The following KLHL31 variants were observed in gnomAD, a reference collection of about 807,000 sequenced individuals.
KLHL31 encodes the protein kelch-like protein 31.
A neutral mutation model predicts 47.1 loss-of-function variants in KLHL31; 32 were observed. The ratio of observed to expected loss-of-function variants is 0.68; its 90% CI spans 0.51 to 0.91. The LOEUF (loss-of-function observed/expected upper bound fraction) is 0.91, where lower values mean the gene tolerates loss of function less well. Among genes scored for constraint, KLHL31 ranks in the 40% least tolerant of loss-of-function variants. The pLI is 0.00. For synonymous variants in KLHL31, 330 were observed against 325.1 expected, an observed-to-expected ratio of 1.01 and a Z score of -0.16; for missense variants, 797 against 819.3, an observed-to-expected ratio of 0.97 and a Z score of 0.33.
At position 53,653,543 on chromosome 6, in the gene KLHL31, A is replaced by G. The variant is rs146826882; in HGVS notation, c.1172+558T>C. 1.2e-4 allele frequency among the ~76,000 whole-genome samples: 18 copies of G among 152,300 alleles called. No individual in the cohort carries two copies. The East Asian group carries it at 3.1e-3, about 26-fold the overall frequency. On this transcript the variant is annotated intron_variant, in intron 2 of 2. Transcript: ENST00000370905. ...GTTTTACTCTTTTACTCTTTTCTGT[A>G]TGTATCAAAAATACTGACACATTTT...
rs1260343848 is a variant in KLHL31 at position 53,654,831 on chromosome 6, C to T, written c.442G>A (p.Val148Ile). 6.2e-7 allele frequency: 1 copy of T among 1,614,068 alleles called. No homozygotes were observed. Among genetic ancestry groups the T allele is most frequent in the Admixed American group, 1.7e-5 (1 of 60,022 alleles). Residue 148 changes from valine (V) to isoleucine (I), a missense_variant, in exon 2 of 3, where the codon GTT becomes ATT. Physicochemically the swap from Val to Ile is conservative, Grantham distance 29 (BLOSUM62 3). Coordinates refer to ENST00000370905, the MANE Select transcript of KLHL31 (RefSeq NM_001003760.5). ...ACAAGAGTATGGATCTGAAGATAAA[C>T]AGCAGCAGAAATAATGCTTCCTATT... Reference protein sequence around the residue: ...YTIGSIISAAVYLQIHTLVKM... With the variant: ...YTIGSIISAAIYLQIHTLVKM...
chr6:53,660,580 G>A (rs543193366), intron 1 of KLHL31, among the ~76,000 whole-genome samples: 9 of 152,252 alleles, frequency 5.9e-5, no homozygotes, highest in Admixed American at 1.3e-4. Flanking sequence ...TTGGGAGGCC[G>A]AGGCGGGTGG....
chr6:53,663,243 G>T (rs1188177036), intron 1 of KLHL31, among the ~76,000 whole-genome samples: 1 of 152,328 alleles, frequency 6.6e-6, no homozygotes, highest in Non-Finnish European at 1.5e-5. Context: ...AACATGGGAA[G>T]ATAGAGACAG....
chr6:53,655,909 C>T (rs2127368959), intron 1 of KLHL31, among the ~76,000 whole-genome samples: 1 of 152,164 alleles, frequency 6.6e-6, no homozygotes, highest in Non-Finnish European at 1.5e-5. Flanking sequence ...ACCCAACCAA[C>T]ATTTTCTGAT....
In KLHL31 at chr6:53,654,185, A is replaced by G. The variant is rs1456442490; in HGVS notation, c.1088T>C (p.Met363Thr). The change falls in exon 2 of 3, where the codon ATG becomes ACG. Residue 363 changes from methionine (M) to threonine (T), a missense_variant. Met to Thr is a moderately conservative substitution (Grantham distance 81). Transcript: ENST00000370905. ...ACCGGCTACATAAAGAAATCCATCC[A>G]TCACAGCCACACACTGATTAAAACT... ...AKSFNQCVAV[M>T]DGFLYVAGGE... 6.2e-7 allele frequency: 1 copy of G among 1,614,084 alleles called. No individual in the cohort carries two copies. The highest frequency in any genetic ancestry group is 1.3e-5 in the African/African-American group (1 of 74,926).
At chr6:53,653,513 G>A (rs1451713495) in intron 2 of KLHL31, among the ~76,000 whole-genome samples, 1 of 151,914 alleles carries the variant, frequency 6.6e-6, no homozygotes, top group Non-Finnish European at 1.5e-5. Flanking sequence ...TTTTCTGAAG[G>A]ATGTGTTTTA....
At position 53,654,705 on chromosome 6, in the gene KLHL31, C is replaced by A. The variant is rs747022454; in HGVS notation, c.568G>T (p.Ala190Ser). Residue 190 changes from alanine (A) to serine (S), a missense_variant, in exon 2 of 3, where the codon GCA becomes TCA. Transcript: ENST00000370905. ...TTATCCCGAATAAATTTCTGGGCTGCTGCTTTTGCATTTTTTAGGGAGTAT... is the reference window on the plus strand; with the variant it reads ...TTATCCCGAATAAATTTCTGGGCTGATGCTTTTGCATTTTTTAGGGAGTAT... The part of the protein sequence containing the change: ...ETYSLKNAKA[A>S]AQKFIRDNFL... The A allele has an allele frequency of 5.6e-6, 9 of 1,614,064 alleles. No homozygotes were observed. Among genetic ancestry groups the A allele is most frequent in the Non-Finnish European group, 8.5e-7 (1 of 1,180,036 alleles).
rs1764533812 is a variant in KLHL31 at position 53,654,876 on chromosome 6, G to T, written c.397C>A (p.Leu133Ile). Residue 133 changes from leucine to isoleucine, a missense_variant, in exon 2 of 3, where the codon CTC becomes ATC. Leu to Ile is a conservative substitution (Grantham distance 5). Coordinates refer to ENST00000370905, the MANE Select transcript of KLHL31 (RefSeq NM_001003760.5). The part of the protein sequence containing the change: ...TVIAYAYTGK[L>I]TLSLYTIGSI... ...CCTATTGTATACAAGGAGAGAGTGA[G>T]CTTTCCAGTGTAGGCATATGCAATG... 6.8e-6 allele frequency: 11 copies of T among 1,614,128 alleles called. No homozygotes were observed. Among genetic ancestry groups the T allele is most frequent in the Non-Finnish European group, 9.3e-6 (11 of 1,179,996 alleles).
At chr6:53,663,496 C>T (rs983568988) in intron 1 of KLHL31, among the ~76,000 whole-genome samples, 2 of 152,178 alleles carry the variant, frequency 1.3e-5, no homozygotes, top group African/African-American at 4.8e-5. Context: ...ATCTGTTTAT[C>T]AGATAATCAA....
chr6:53,664,380 G>A (rs994695454), intron 1 of KLHL31, among the ~76,000 whole-genome samples: 1 of 152,168 alleles, frequency 6.6e-6, no homozygotes, highest in Non-Finnish European at 1.5e-5. Context: ...GGAATAGTCT[G>A]AAACATACTG....
At position 53,654,356 on chromosome 6, in the gene KLHL31, G is replaced by C. The variant is rs1172586417; in HGVS notation, c.917C>G (p.Ser306Cys). 2 of 1,614,090 alleles carry C rather than the reference G, an allele frequency of 1.2e-6. No individual in the cohort carries two copies. Among genetic ancestry groups the C allele is most frequent in the Admixed American group, 1.7e-5 (1 of 60,004 alleles). Residue 306 changes from serine (S) to cysteine (C), a missense_variant, in exon 2 of 3, where the codon TCT (serine) becomes TGT (cysteine). Physicochemically the swap from Ser to Cys is moderately radical, Grantham distance 112. Coordinates refer to ENST00000370905, the MANE Select transcript of KLHL31 (RefSeq NM_001003760.5). ...LLPYHQNTLQ[S>C]RRTRIRGGCR... is the part of the protein sequence containing the mutation. ...GCCACCTCGGATTCTTGTTCGCCTA[G>C]ATTGCAATGTGTTTTGATGATATGG...
At chr6:53,658,778 A>G (rs12524915) in intron 1 of KLHL31, among the ~76,000 whole-genome samples, 7 of 152,156 alleles carry the variant, frequency 4.6e-5, no homozygotes, top group Non-Finnish European at 4.4e-5. Flanking sequence ...AAAATTAAAC[A>G]GTTTCCTTTT....
At chr6:53,656,857 G>A (rs1289730591) in intron 1 of KLHL31, among the ~76,000 whole-genome samples, 9 of 137,612 alleles carry the variant, frequency 6.5e-5, no homozygotes, top group Admixed American at 2.2e-4. Context: ...TCAGAATATA[G>A]AAAAATAAAA....
intron 1 of KLHL31, among the ~76,000 whole-genome samples, chr6:53,663,136 C>T (rs1764671609): frequency 1.3e-5 from 2 of 152,046 alleles, no homozygotes; most frequent in African/African-American, 4.8e-5. Flanking sequence ...TGTGCTGGGG[C>T]AAAATTCAAA....
chr6:53,657,697 G>A (rs538030899), intron 1 of KLHL31, among the ~76,000 whole-genome samples: 41 of 148,650 alleles, frequency 2.8e-4, no homozygotes, highest in African/African-American at 9.6e-4. Context: ...GTAAAACTCA[G>A]CTTTGGCTCT....
intron 1 of KLHL31, among the ~76,000 whole-genome samples, chr6:53,655,721 C>T (rs894799022): frequency 1.3e-5 from 2 of 151,622 alleles, no homozygotes; most frequent in Admixed American, 6.6e-5. Flanking sequence ...ATTCTTCTGC[C>T]TCAGCCTCCC....
chr6:53,654,802 C>T lies in KLHL31; in HGVS notation c.471G>A (p.Lys157=). ...AVYLQIHTLV[K]MCSDFLIREM... Reference sequence around the variant, plus strand: ...CCCGTATCAGAAAATCACTGCACATCTTTACAAGAGTATGGATCTGAAGAT... The same window carrying T: ...CCCGTATCAGAAAATCACTGCACATTTTTACAAGAGTATGGATCTGAAGAT... Residue 157 remains lysine, a synonymous_variant, in exon 2 of 3, where the codon AAG becomes AAA. Coordinates refer to ENST00000370905, the MANE Select transcript of KLHL31 (RefSeq NM_001003760.5). The T allele has an allele frequency of 6.2e-7, 1 of 1,614,034 alleles. No individual in the cohort carries two copies.
Position 53,652,266 on chromosome 6 carries a change from T to G in KLHL31, c.1237A>C (p.Ser413Arg), listed in dbSNP as rs1024562572. 1 of 1,614,196 alleles carries G rather than the reference T, an allele frequency of 6.2e-7. No homozygotes were observed. The highest frequency in any genetic ancestry group is 8.5e-7 in the Non-Finnish European group (1 of 1,180,050). The change falls in exon 3 of 3, where the codon AGC becomes CGC. Residue 413 changes from serine to arginine, a missense_variant. Physicochemically the swap from Ser to Arg is moderately radical, Grantham distance 110 (BLOSUM62 -1). Transcript: ENST00000370905. The part of the protein sequence containing the change: ...ASMNQKRTHF[S>R]LSVFNGLVYA... Reference sequence around the variant, plus strand: ...ACGAGCCCGTTGAACACGCTCAGGCTGAAGTGCGTGCGCTTCTGGTTCATG... The same window carrying G: ...ACGAGCCCGTTGAACACGCTCAGGCGGAAGTGCGTGCGCTTCTGGTTCATG...
At chr6:53,661,533 T>C (rs772530367) in intron 1 of KLHL31, among the ~76,000 whole-genome samples, 4 of 152,138 alleles carry the variant, frequency 2.6e-5, no homozygotes, top group Non-Finnish European at 5.9e-5. Flanking sequence ...GTAATATATA[T>C]GTACAGGAAA....
Sources: gnomAD v4.1 joint callset for allele counts (sites outside exome capture counted in the v4.1 genomes callset) on GRCh38, gnomAD v4.1.1 for gene constraint, MANE v1.5 for transcripts, NCBI Gene and HGNC (gene_info 2026-07-23, HGNC 2026-07-21) for gene names.